The following RUNX2 variants were observed in gnomAD, a reference collection of about 807,000 sequenced individuals.
The protein encoded by RUNX2 is runt-related transcription factor 2.
In RUNX2, 10 loss-of-function variants were observed where a neutral mutation model predicts 51.7. The ratio of observed to expected loss-of-function variants is 0.19; its 90% CI spans 0.12 to 0.33. The LOEUF is 0.33. RUNX2 is among the 10% of genes least tolerant of loss of function. RUNX2 has a pLI of 1.00. For missense variants in RUNX2, 562 were observed against 691.3 expected (o/e 0.81, Z 2.10); for synonymous variants, 276 against 273.6 (o/e 1.01, Z -0.09).
At chr6:45,336,389 G>C (rs1300684841) in intron 2 of RUNX2, among the ~76,000 whole-genome samples, 1 of 151,296 alleles carries the variant, frequency 6.6e-6, no homozygotes, top group Non-Finnish European at 1.5e-5. Flanking sequence ...AAAGTGATCT[G>C]TTTTTAACAT....
At chr6:45,528,427 C>T (rs1227508607) in intron 7 of RUNX2, among the ~76,000 whole-genome samples, 1 of 152,094 alleles carries the variant, frequency 6.6e-6, no homozygotes, top group Non-Finnish European at 1.5e-5. Flanking sequence ...TCAAGATTAG[C>T]CTGGCCAACA....
chr6:45,416,447 G>T (rs1798070308), intron 2 of RUNX2, among the ~76,000 whole-genome samples: 1 of 152,148 alleles, frequency 6.6e-6, no homozygotes, highest in Non-Finnish European at 1.5e-5. Flanking sequence ...CACCTTCCTT[G>T]GTGACTTAAA....
intron 2 of RUNX2, among the ~76,000 whole-genome samples, chr6:45,348,940 A>T (rs1386321608): frequency 1.3e-5 from 2 of 152,146 alleles, no homozygotes; most frequent in Non-Finnish European, 2.9e-5. Flanking sequence ...ACAATTTATA[A>T]TTATTTATTT....
At chr6:45,439,343 G>A (rs1274807046) in intron 5 of RUNX2, among the ~76,000 whole-genome samples, 1 of 152,292 alleles carries the variant, frequency 6.6e-6, no homozygotes, top group Admixed American at 6.5e-5. Flanking sequence ...ATGTGTGTAA[G>A]CACCAAGTCT....
At position 45,463,628 on chromosome 6, in the gene RUNX2, CT is replaced by C. The variant is rs540644262; in HGVS notation, c.685+25584del. Among the ~76,000 whole-genome samples, 76 of 152,236 alleles carry C rather than the reference CT, an allele frequency of 5.0e-4. 1 individual carries two copies. The South Asian group carries it at 0.014, about 27-fold the overall frequency. On this transcript the variant is annotated intron_variant, in intron 5 of 8. Coordinates refer to ENST00000647337, the MANE Select transcript of RUNX2 (RefSeq NM_001024630.4). Reference sequence around the variant, plus strand: ...AGCGATACTCAAATTTGTTTAAATGCTTTTTTTAAAAAAATGAATTCTCCCT... The same window carrying C: ...AGCGATACTCAAATTTGTTTAAATGCTTTTTTAAAAAAATGAATTCTCCCT...
chr6:45,413,605 ATTT>A (rs1450577300), intron 2 of RUNX2, among the ~76,000 whole-genome samples: 2 of 151,496 alleles, frequency 1.3e-5, no homozygotes, highest in Non-Finnish European at 2.9e-5. Context: ...TAATTTTTGT[ATTT>A]TTAGTAGAGA....
chr6:45,545,391 G>A (rs1306355325), intron 8 of RUNX2, 109 bp downstream of exon 8: 3 of 1,231,014 alleles, frequency 2.4e-6, no homozygotes, highest in Non-Finnish European at 3.3e-6. Context: ...CTTTTAAAGA[G>A]TCACTTTTTA....
At chr6:45,347,494 T>C (rs1017702687) in intron 2 of RUNX2, among the ~76,000 whole-genome samples, 2 of 152,134 alleles carry the variant, frequency 1.3e-5, no homozygotes, top group South Asian at 2.1e-4. Flanking sequence ...AGGCAAGATG[T>C]TAAGTTTGAG....
intron 6 of RUNX2, among the ~76,000 whole-genome samples, chr6:45,496,405 A>G (rs1185814551): frequency 6.6e-6 from 1 of 152,212 alleles, no homozygotes; most frequent in East Asian, 1.9e-4. Context: ...AGGAGCTTAT[A>G]TTTTAGTGTC....
chr6:45,419,270 G>C (rs998427938), intron 2 of RUNX2, among the ~76,000 whole-genome samples: 4 of 152,126 alleles, frequency 2.6e-5, no homozygotes, highest in African/African-American at 9.7e-5. Flanking sequence ...CACCATGGTA[G>C]TTATGGAATT....
chr6:45,458,977 C>G (rs1408736132), intron 5 of RUNX2, among the ~76,000 whole-genome samples: 1 of 152,230 alleles, frequency 6.6e-6, no homozygotes, highest in East Asian at 1.9e-4. Flanking sequence ...TAACCTGAAG[C>G]TTTGAGCCAC....
chr6:45,330,579 A>G (rs959363401), intron 2 of RUNX2, among the ~76,000 whole-genome samples: 1 of 152,068 alleles, frequency 6.6e-6, no homozygotes, highest in African/African-American at 2.4e-5. Flanking sequence ...CATGAAGAAT[A>G]TGTTAAAATT....
intron 5 of RUNX2, among the ~76,000 whole-genome samples, chr6:45,476,146 C>T (rs116702291): frequency 0.017 from 2,655 of 152,282 alleles, 72 homozygotes; most frequent in African/African-American, 0.061. Context: ...TCTGTTCTTC[C>T]ATTCCACTAT....
intron 2 of RUNX2, chr6:45,365,169 G>C (rs572447009): frequency 7.9e-7 from 1 of 1,270,286 alleles, no homozygotes; most frequent in East Asian, 2.4e-5. Flanking sequence ...ATTTAAAATA[G>C]TAATAGCAAT....
intron 5 of RUNX2, 95 bp downstream of exon 5, chr6:45,438,146 A>G (rs868251961): frequency 2.4e-6 from 2 of 832,636 alleles, no homozygotes; most frequent in Non-Finnish European, 4.1e-6. Flanking sequence ...TTTCATGTCC[A>G]TAGTGTCTTT....
At chr6:45,535,814 A>G (rs1397654791) in intron 7 of RUNX2, among the ~76,000 whole-genome samples, 3 of 152,026 alleles carry the variant, frequency 2.0e-5, no homozygotes, top group Non-Finnish European at 4.4e-5. Context: ...GGAGGGGCCA[A>G]TGTAAACCCA....
chr6:45,328,618 C>T, intron 1 of RUNX2, 43 bp from the exon 2 acceptor site: 2 of 1,608,266 alleles, frequency 1.2e-6, no homozygotes, highest in Middle Eastern at 1.7e-4. Context: ...TCCAGGCATA[C>T]TGTAAAACTA....
chr6:45,432,331 CTG>C (rs1798565376), intron 4 of RUNX2, among the ~76,000 whole-genome samples: 1 of 152,116 alleles, frequency 6.6e-6, no homozygotes. Context: ...AGTCAAATAA[CTG>C]AGTAAATTGA....
chr6:45,384,713 T>TC (rs1797313932), intron 2 of RUNX2, among the ~76,000 whole-genome samples: 1 of 143,936 alleles, frequency 6.9e-6, no homozygotes. Flanking sequence ...TGTCTTTTTT[T>TC]TTTTTTTTTT....
Sources: gnomAD v4.1 joint callset for allele counts (sites outside exome capture counted in the v4.1 genomes callset) on GRCh38, gnomAD v4.1.1 for gene constraint, MANE v1.5 for transcripts, NCBI Gene and HGNC (gene_info 2026-07-23, HGNC 2026-07-21) for gene names.